LRRIQ3: variants seen among roughly 807,000 people sequenced by gnomAD.
LRRIQ3 encodes the protein leucine rich repeats and IQ motif containing 3, also known as leucine-rich repeat and IQ domain-containing protein 3.
In LRRIQ3, 75 loss-of-function variants were observed where a neutral mutation model predicts 59.3. The observed-to-expected ratio is 1.26, with a 90% confidence interval of 1.05 to 1.53. The LOEUF is 1.53. Among genes scored for constraint, LRRIQ3 ranks in the 40% most tolerant of loss-of-function variants. The pLI, the probability that LRRIQ3 is intolerant of heterozygous loss-of-function variation, is 0.00. For synonymous variants in LRRIQ3, 250 were observed against 231.3 expected, an observed-to-expected ratio of 1.08 and a Z score of -0.73; for missense variants, 831 against 710.0, an observed-to-expected ratio of 1.17 and a Z score of -1.94.
chr1:74,120,063 GT>G (rs1381391970), intron 4 of LRRIQ3, among the ~76,000 whole-genome samples: 2 of 150,808 alleles, frequency 1.3e-5, no homozygotes, highest in African/African-American at 4.9e-5. Flanking sequence ...ATATGTTCAG[GT>G]TTTATTATTT....
intron 5 of LRRIQ3, among the ~76,000 whole-genome samples, chr1:74,102,529 A>G (rs1490528200): frequency 2.0e-5 from 3 of 152,056 alleles, no homozygotes; most frequent in Admixed American, 1.3e-4. Context: ...TTGAAAATGC[A>G]AAATGACGTA....
chr1:74,082,622 G>T (rs1469056590), intron 5 of LRRIQ3: 1 of 151,426 alleles, frequency 6.6e-6, no homozygotes, highest in African/African-American at 2.4e-5. Context: ...TGATTAGTTT[G>T]CTCTTACTTT....
intron 5 of LRRIQ3, among the ~76,000 whole-genome samples, chr1:74,104,557 C>A (rs1309022382): frequency 6.6e-6 from 1 of 151,850 alleles, no homozygotes; most frequent in Non-Finnish European, 1.5e-5. Flanking sequence ...CACATATCAC[C>A]AAGTGAAAAG....
In LRRIQ3 at chr1:74,046,061, C is replaced by T. The variant is rs549356076; in HGVS notation, c.998-4128G>A. Among the ~76,000 whole-genome samples the T allele has an allele frequency of 6.9e-3, 1,054 of 152,238 alleles. 6 individuals are homozygous for T. The highest frequency in any genetic ancestry group is 0.024 in the African/African-American group (1,006 of 41,552). ...AGCAATTTATAGATTTAATGCTATT[C>T]CGATCAGGCTACCATTGACTTTCTT... On this transcript the variant is annotated intron_variant, in intron 6 of 7. Coordinates refer to ENST00000354431, the MANE Select transcript of LRRIQ3 (RefSeq NM_001105659.2).
intron 4 of LRRIQ3, among the ~76,000 whole-genome samples, chr1:74,128,148 C>A (rs1335615679): frequency 6.6e-6 from 1 of 151,918 alleles, no homozygotes; most frequent in Non-Finnish European, 1.5e-5. Context: ...AGGAATTTTT[C>A]TTTATCTTTG....
chr1:74,192,638 C>G (rs1478325755), intron 1 of LRRIQ3, among the ~76,000 whole-genome samples: 1 of 152,046 alleles, frequency 6.6e-6, no homozygotes, highest in Non-Finnish European at 1.5e-5. Context: ...ATATTCACCT[C>G]TGCCAACAAT....
intron 2 of LRRIQ3, 33 bp downstream of exon 2, chr1:74,183,403 T>A (rs1486246939): frequency 2.0e-6 from 3 of 1,501,812 alleles, no homozygotes; most frequent in Non-Finnish European, 1.8e-6. Context: ...AAATTTCGTT[T>A]ATATGCAAAT....
At chr1:74,079,346 G>A (rs1646246225) in intron 5 of LRRIQ3, among the ~76,000 whole-genome samples, 1 of 151,238 alleles carries the variant, frequency 6.6e-6, no homozygotes, top group African/African-American at 2.4e-5. Flanking sequence ...AACAAAATAA[G>A]CTATTGCATG....
chr1:74,172,555 T>G (rs541170401), intron 3 of LRRIQ3, among the ~76,000 whole-genome samples: 1 of 152,298 alleles, frequency 6.6e-6, no homozygotes, highest in South Asian at 2.1e-4. Flanking sequence ...TATATTATAT[T>G]ACTGCTGGAT....
At chr1:74,154,360 T>A (rs1259669206) in intron 4 of LRRIQ3, among the ~76,000 whole-genome samples, 3 of 151,916 alleles carry the variant, frequency 2.0e-5, no homozygotes, top group East Asian at 3.9e-4. Flanking sequence ...GTACTTTTTT[T>A]ATCCCCTGTT....
In LRRIQ3 at chr1:74,183,431, C is replaced by A. The variant is rs779235102; in HGVS notation, c.249+5G>T. 5 of 1,557,890 alleles carry A rather than the reference C, an allele frequency of 3.2e-6. No homozygotes were observed. Among genetic ancestry groups the A allele is most frequent in the Non-Finnish European group, 4.3e-6 (5 of 1,152,640 alleles). On this transcript the variant is annotated splice_donor_5th_base_variant and intron_variant, in intron 2 of 7. Transcript: ENST00000354431. ...ATGCAAATATCTGAAATGGCTATTG[C>A]TTACCTGATTTCCATGGAGATCAAG... is the stretch of plus-strand genomic sequence containing the variant.
intron 3 of LRRIQ3, among the ~76,000 whole-genome samples, chr1:74,165,647 A>G (rs184781269): frequency 4.0e-4 from 60 of 151,720 alleles, no homozygotes; most frequent in African/African-American, 1.3e-3. Flanking sequence ...GTGGACATCC[A>G]TGCTTTATTC....
At chr1:74,065,500 C>T (rs1049501305) in intron 6 of LRRIQ3, among the ~76,000 whole-genome samples, 4 of 152,002 alleles carry the variant, frequency 2.6e-5, no homozygotes, top group African/African-American at 9.7e-5. Context: ...ATTCATAAAG[C>T]TGAAGTTATA....
At chr1:74,118,577 CCA>C (rs1244552476) in intron 4 of LRRIQ3, among the ~76,000 whole-genome samples, 1 of 151,814 alleles carries the variant, frequency 6.6e-6, no homozygotes, top group Non-Finnish European at 1.5e-5. Flanking sequence ...CCACTACCTC[CCA>C]CACACACATT....
chr1:74,097,081 A>T (rs577544306), intron 5 of LRRIQ3, among the ~76,000 whole-genome samples: 1 of 152,254 alleles, frequency 6.6e-6, no homozygotes, highest in Non-Finnish European at 1.5e-5. Context: ...AAGCTGTCAG[A>T]CAGGGACATT....
intron 6 of LRRIQ3, among the ~76,000 whole-genome samples, chr1:74,044,199 T>C (rs1654131367): frequency 6.6e-6 from 1 of 152,110 alleles, no homozygotes; most frequent in Non-Finnish European, 1.5e-5. Flanking sequence ...CCTAGCCTAC[T>C]ATTTTGCACA....
chr1:74,153,700 T>C (rs185479999), intron 4 of LRRIQ3, among the ~76,000 whole-genome samples: 1 of 152,314 alleles, frequency 6.6e-6, no homozygotes, highest in East Asian at 1.9e-4. Context: ...GAGACGACTA[T>C]AATACGGTAT....
intron 1 of LRRIQ3, among the ~76,000 whole-genome samples, chr1:74,190,079 C>T (rs1415519028): frequency 2.0e-5 from 3 of 152,062 alleles, no homozygotes; most frequent in African/African-American, 7.2e-5. Context: ...AACTAAAAAT[C>T]AACAACTTTT....
At chr1:74,043,481 T>C (rs527383935) in intron 6 of LRRIQ3, among the ~76,000 whole-genome samples, 2 of 152,088 alleles carry the variant, frequency 1.3e-5, no homozygotes, top group African/African-American at 4.8e-5. Flanking sequence ...TACAGCAAAG[T>C]AGGAAATCAA....
Sources: allele counts gnomAD v4.1 joint callset (sites outside exome capture counted in the v4.1 genomes callset), GRCh38; gene constraint gnomAD v4.1.1; transcripts MANE v1.5; gene names NCBI Gene and HGNC (gene_info 2026-07-23, HGNC 2026-07-21).